Variants in IRS1 observed in about 807,000 individuals in gnomAD.
IRS1 encodes insulin receptor substrate 1.
Under a neutral mutation model 65.6 loss-of-function variants are expected in IRS1, and 34 were observed. The observed-to-expected ratio is 0.52, with a 90% CI of 0.39 to 0.69. The LOEUF (loss-of-function observed/expected upper bound fraction) is 0.69, where lower values mean the gene tolerates loss of function less well. Ranked by LOEUF, IRS1 falls within the 30% of genes least tolerant of loss-of-function variation. IRS1 has a pLI of 0.00. For synonymous variants in IRS1, 699 were observed against 683.5 expected, an observed-to-expected ratio of 1.02 and a Z score of -0.35; for missense variants, 1,641 against 1,720.2, an observed-to-expected ratio of 0.95 and a Z score of 0.81.
At chr2:226,743,521 T>G (rs1938482636) in intron 1 of IRS1, among the ~76,000 whole-genome samples, 1 of 152,162 alleles carries the variant, frequency 6.6e-6, no homozygotes, top group African/African-American at 2.4e-5. Flanking sequence ...TGGGCCATCG[T>G]GCTCAGCCAG....
At chr2:226,742,719 A>G (rs2106158927) in intron 1 of IRS1, among the ~76,000 whole-genome samples, 1 of 152,016 alleles carries the variant, frequency 6.6e-6, no homozygotes, top group East Asian at 1.9e-4. Context: ...TTATGAAAAA[A>G]AAAAAAAAGA....
In IRS1 at chr2:226,798,021, C is replaced by T; in HGVS notation, c.718G>A (p.Val240Met). 1.2e-6 allele frequency: 2 copies of T among 1,614,118 alleles called. No homozygotes were observed. The highest frequency in any genetic ancestry group is 1.7e-6 in the Non-Finnish European group (2 of 1,180,026). ...VTGPGEFWMQVDDSVVAQNMH... is the reference protein window; with the variant it reads ...VTGPGEFWMQMDDSVVAQNMH... ...TTCTGGGCCACCACAGAGTCATCCA[C>T]CTGCATCCAGAACTCCCCGGGCCCC... Residue 240 changes from valine (V) to methionine (M), a missense_variant, in exon 1 of 2, where the codon GTG becomes ATG. Transcript: ENST00000305123. The surrounding 1 kb of genome is among the most constrained non-coding windows in gnomAD (Gnocchi z 9.4).
intron 1 of IRS1, among the ~76,000 whole-genome samples, chr2:226,756,923 C>T (rs1426750826): frequency 6.6e-6 from 1 of 151,828 alleles, no homozygotes; most frequent in Non-Finnish European, 1.5e-5. Flanking sequence ...AATCACGCCA[C>T]TGCACTCCAG....
At position 226,796,178 on chromosome 2, in the gene IRS1, C is replaced by T. The variant is rs13306470; in HGVS notation, c.2561G>A (p.Arg854His). The T allele has an allele frequency of 9.3e-6, 15 of 1,613,680 alleles. 1 individual carries two copies. Among genetic ancestry groups the T allele is most frequent in the South Asian group, 3.3e-5 (3 of 91,062 alleles). The change falls in exon 1 of 2, where the codon CGC (arginine) becomes CAC (histidine). Residue 854 changes from arginine to histidine, a missense_variant. By Grantham distance (29) the Arg-to-His change is conservative. Around this residue, in one of 3 missense-constraint regions of IRS1, gnomAD observed 1,324 missense variants for 1,361.0 expected, o/e 0.97. Transcript: ENST00000305123. ...GGACAGCCTCGTGGGCCGGGCCAGG[C>T]GGCTATTGGTCTGAGCAGCTGTGTC... is the stretch of plus-strand genomic sequence containing the variant. ...KVDTAAQTNS[R>H]LARPTRLSLG... is the part of the protein sequence containing the mutation.
intron 1 of IRS1, among the ~76,000 whole-genome samples, chr2:226,785,291 G>A (rs1939464995): frequency 6.6e-6 from 1 of 152,078 alleles, no homozygotes; most frequent in Admixed American, 6.6e-5. Context: ...ATTTAAATTG[G>A]TGGTGTTTAA....
At chr2:226,752,271 A>T (rs1938699835) in intron 1 of IRS1, among the ~76,000 whole-genome samples, 2 of 152,190 alleles carry the variant, frequency 1.3e-5, no homozygotes, top group Admixed American at 1.3e-4. Flanking sequence ...AGACTAAAAA[A>T]TAAAAAGAAA....
At chr2:226,775,963 G>A (rs1278568201) in intron 1 of IRS1, among the ~76,000 whole-genome samples, 1 of 151,450 alleles carries the variant, frequency 6.6e-6, no homozygotes, top group East Asian at 1.9e-4. Context: ...GTTTTGATTT[G>A]TGCTTGGTGA....
intron 1 of IRS1, among the ~76,000 whole-genome samples, chr2:226,788,278 T>G (rs943555810): frequency 2.0e-5 from 3 of 151,990 alleles, no homozygotes; most frequent in Admixed American, 2.0e-4. Context: ...CCTGGTAGAG[T>G]AATAAAACCA....
intron 1 of IRS1, among the ~76,000 whole-genome samples, chr2:226,748,351 C>T (rs550646630): frequency 2.7e-5 from 4 of 150,644 alleles, no homozygotes; most frequent in African/African-American, 7.3e-5. Flanking sequence ...ATCACTTGAA[C>T]CCAGGAGGTG....
intron 1 of IRS1, among the ~76,000 whole-genome samples, chr2:226,766,597 A>C (rs915213819): frequency 1.3e-5 from 2 of 152,196 alleles, no homozygotes; most frequent in Non-Finnish European, 2.9e-5. Flanking sequence ...GCAATCCACC[A>C]GCATTACTTT....
chr2:226,774,740 A>G (rs548981858), intron 1 of IRS1, among the ~76,000 whole-genome samples: 1 of 152,364 alleles, frequency 6.6e-6, no homozygotes, highest in African/African-American at 2.4e-5. Context: ...CATCCATACA[A>G]GAGTATTAAC....
chr2:226,796,699 G>C lies in IRS1; in HGVS notation c.2040C>G (p.Ser680Arg), dbSNP rs993965322. 1 of 1,613,860 alleles carries C rather than the reference G, an allele frequency of 6.2e-7. No individual in the cohort carries two copies. Among genetic ancestry groups the C allele is most frequent in the Admixed American group, 1.7e-5 (1 of 60,022 alleles). Residue 680 changes from serine to arginine, a missense_variant, in exon 1 of 2, where the codon AGC becomes AGG. Physicochemically the swap from Ser to Arg is moderately radical, Grantham distance 110. Around this residue, in one of 3 missense-constraint regions of IRS1, gnomAD observed 1,324 missense variants for 1,361.0 expected, o/e 0.97. Transcript: ENST00000305123. The stretch of plus-strand genomic sequence containing the variant: ...CGGCGTTGCTGCTGCTGCTGCTGCT[G>C]CTGGGGCCACCTCCAATGTCAGGAG... ...GCSPDIGGGP[S>R]SSSSSSNAVP... is the part of the protein sequence containing the mutation.
At position 226,795,217 on chromosome 2, in the gene IRS1, C is replaced by T. The variant is rs1939686455; in HGVS notation, c.3522G>A (p.Glu1174=). 3.7e-6 allele frequency: 6 copies of T among 1,613,980 alleles called. No individual in the cohort carries two copies. The East Asian group carries it at 1.3e-4, about 36-fold the overall frequency. Residue 1174 remains glutamate, a synonymous_variant, in exon 1 of 2, where the codon GAG becomes GAA. Coordinates refer to ENST00000305123, the MANE Select transcript of IRS1 (RefSeq NM_005544.3). ...AKLCGAAGGL[E]NGLNYIDLDL... ...CCAGGTCTATGTAGTTAAGACCATTCTCCAAACCCCCAGCAGCCCCACACA... is the reference window on the plus strand; with the variant it reads ...CCAGGTCTATGTAGTTAAGACCATTTTCCAAACCCCCAGCAGCCCCACACA...
Position 226,798,987 on chromosome 2 carries a change from C to T in IRS1, c.-249G>A. On this transcript the variant is annotated 5_prime_UTR_variant, in exon 1 of 2. Transcript: ENST00000305123. The surrounding 1 kb of genome is among the most constrained non-coding windows in gnomAD (Gnocchi z 9.4). ...CACGCCCGGCGGGGAGGCAGTGCGT[C>T]CGGGGTGAGGGCAGCCCCGATCCTC... 3 of 1,438,542 alleles carry T rather than the reference C, an allele frequency of 2.1e-6. No individual in the cohort carries two copies. The highest frequency in any genetic ancestry group is 2.7e-6 in the Non-Finnish European group (3 of 1,093,948). 89.1% of individuals were successfully genotyped at this position (1,438,542 alleles called of 1,614,324 possible).
In IRS1 at chr2:226,797,621, C is replaced by A. The variant is rs762739828; in HGVS notation, c.1118G>T (p.Arg373Leu). Residue 373 changes from arginine to leucine, a missense_variant, in exon 1 of 2, where the codon CGC (arginine) becomes CTC (leucine). Arg to Leu is a moderately radical substitution (Grantham distance 102). Coordinates refer to ENST00000305123, the MANE Select transcript of IRS1 (RefSeq NM_005544.3). This position sits in a 1 kb window ranked among gnomAD's most constrained non-coding sequence, Gnocchi z 8.1. ...ARLHPPLNHS[R>L]SIPMPASRCS... ...GCGGGAAGCCGGCATGGGGATGGAG[C>A]GGCTGTGGTTGAGCGGGGGGTGCAG... 3.1e-6 allele frequency: 5 copies of A among 1,588,508 alleles called. No individual in the cohort carries two copies. The highest frequency in any genetic ancestry group is 1.3e-5 in the African/African-American group (1 of 74,820).
chr2:226,767,704 A>G (rs890061444), intron 1 of IRS1, among the ~76,000 whole-genome samples: 17 of 152,214 alleles, frequency 1.1e-4, no homozygotes, highest in Non-Finnish European at 2.1e-4. Context: ...CAAGACTAAA[A>G]AAGAAACCTT....
intron 1 of IRS1, among the ~76,000 whole-genome samples, chr2:226,743,160 GA>G (rs200943233): frequency 1.5e-5 from 2 of 134,142 alleles, no homozygotes; most frequent in African/African-American, 5.5e-5. Flanking sequence ...AAGGACTTAG[GA>G]AAAAAAAACA....
rs955864057 is a variant in IRS1 at position 226,764,536 on chromosome 2, C to G, written c.*22-28286G>C. ...CCAGCCTGGGCAACATAACAAGACCCTGTTTCAAAAAAAGAAAATCTATTT... is the reference window on the plus strand; with the variant it reads ...CCAGCCTGGGCAACATAACAAGACCGTGTTTCAAAAAAAGAAAATCTATTT... On this transcript the variant is annotated intron_variant, in intron 1 of 1. Transcript: ENST00000305123. Among the ~76,000 whole-genome samples the G allele has an allele frequency of 3.3e-5, 5 of 152,068 alleles. 1 individual carries two copies. In the South Asian group the frequency reaches 6.2e-4, roughly 19 times the overall value.
chr2:226,778,740 C>G (rs896912322), intron 1 of IRS1, among the ~76,000 whole-genome samples: 13 of 152,216 alleles, frequency 8.5e-5, no homozygotes, highest in African/African-American at 3.1e-4. Context: ...ACACTTGTGG[C>G]CAGCCCCAGT....
Sources: allele counts gnomAD v4.1 joint callset (sites outside exome capture counted in the v4.1 genomes callset), GRCh38; gene constraint gnomAD v4.1.1; regional missense constraint gnomAD v4.1.1; non-coding constraint Gnocchi (gnomAD v3.1); transcripts MANE v1.5; gene names NCBI Gene and HGNC (gene_info 2026-07-23, HGNC 2026-07-21).